LINGO2: variants seen among roughly 807,000 people sequenced by gnomAD.
LINGO2 encodes leucine-rich repeat and immunoglobulin-like domain-containing nogo receptor-interacting protein 2.
Under a neutral mutation model 30.6 loss-of-function variants are expected in LINGO2, and 14 were observed. That is an observed-to-expected ratio of 0.46 (90% CI 0.30 to 0.72). The LOEUF (loss-of-function observed/expected upper bound fraction) is 0.72. Ranked by LOEUF, LINGO2 falls within the 30% of genes least tolerant of loss-of-function variation. LINGO2 has a pLI of 0.07. For missense variants in LINGO2, 729 were observed against 751.7 expected (o/e 0.97, Z 0.35); for synonymous variants, 317 against 288.5 (o/e 1.10, Z -1.00).
intron 4 of LINGO2, among the ~76,000 whole-genome samples, chr9:28,038,464 C>A (rs185712660): frequency 6.6e-6 from 1 of 151,990 alleles, no homozygotes; most frequent in Non-Finnish European, 1.5e-5. Flanking sequence ...GAGGCCGAGG[C>A]GGGCGGATCA....
intron 1 of LINGO2, among the ~76,000 whole-genome samples, chr9:28,602,873 G>C (rs1587943705): frequency 6.6e-6 from 1 of 152,068 alleles, no homozygotes; most frequent in East Asian, 1.9e-4. Flanking sequence ...AAGGTTTGCT[G>C]TTCAGAGCTC....
chr9:28,948,707 A>T, the LINGO2 span, among the ~76,000 whole-genome samples: 1 of 152,132 alleles, frequency 6.6e-6, no homozygotes, highest in Non-Finnish European at 1.5e-5. Flanking sequence ...TAATGAAATA[A>T]ATCTTGGTTA....
At chr9:28,973,017 A>G in the LINGO2 span, among the ~76,000 whole-genome samples, 2 of 152,192 alleles carry the variant, frequency 1.3e-5, no homozygotes, top group Non-Finnish European at 1.5e-5. Flanking sequence ...ATGAAAAACA[A>G]TAAAGCATGC....
At chr9:28,949,368 C>T in the LINGO2 span, among the ~76,000 whole-genome samples, 3 of 151,566 alleles carry the variant, frequency 2.0e-5, no homozygotes, top group Non-Finnish European at 4.4e-5. Flanking sequence ...TGTAGCCAGA[C>T]AAATAAAGAA....
At chr9:27,948,018 G>T (rs913853454), downstream of LINGO2, 2 of 152,050 alleles carry the variant, frequency 1.3e-5, no homozygotes, top group African/African-American at 4.8e-5. Flanking sequence ...AGAAACCAAG[G>T]GCTTTGTTTA....
chr9:28,656,598 T>G (rs1828353473), intron 1 of LINGO2, among the ~76,000 whole-genome samples: 1 of 152,110 alleles, frequency 6.6e-6, no homozygotes, highest in African/African-American at 2.4e-5. Context: ...TGTCATTATC[T>G]TGCATGATAA....
chr9:28,095,361 T>C lies in LINGO2; in HGVS notation c.-86-82956A>G, dbSNP rs190705237. On this transcript the variant is annotated intron_variant, in intron 4 of 5. Transcript: ENST00000379992. ...GGAAAGCAGGTGGTGAATGTCATAA[T>C]AAAGATAAGCTTAAAAATGGAAGGG... Among the ~76,000 whole-genome samples the C allele has an allele frequency of 4.3e-4, 65 of 152,092 alleles. 1 individual carries two copies. Among genetic ancestry groups the C allele is most frequent in the Admixed American group, 3.7e-3 (56 of 15,240 alleles).
At chr9:28,035,263 A>G (rs754899408) in intron 4 of LINGO2, among the ~76,000 whole-genome samples, 6 of 152,072 alleles carry the variant, frequency 3.9e-5, no homozygotes, top group Non-Finnish European at 7.4e-5. Flanking sequence ...AGGGATTTGT[A>G]TAGGCAAAAT....
intron 4 of LINGO2, among the ~76,000 whole-genome samples, chr9:28,261,954 T>C (rs1822578438): frequency 6.6e-6 from 1 of 151,942 alleles, no homozygotes; most frequent in African/African-American, 2.4e-5. Context: ...ATTACTTTCC[T>C]CCATCATCTA....
intron 3 of LINGO2, among the ~76,000 whole-genome samples, chr9:28,296,855 A>G (rs1823942127): frequency 6.6e-6 from 1 of 152,224 alleles, no homozygotes; most frequent in South Asian, 2.1e-4. Flanking sequence ...TTATTAACCT[A>G]TAACCTCAGT....
chr9:28,995,109 C>T, the LINGO2 span, among the ~76,000 whole-genome samples: 1 of 151,888 alleles, frequency 6.6e-6, no homozygotes, highest in African/African-American at 2.4e-5. Context: ...AAAATTTTGG[C>T]AACCTACTCA....
the LINGO2 span, among the ~76,000 whole-genome samples, chr9:28,848,136 CAT>C: frequency 6.4e-5 from 4 of 62,414 alleles, 1 homozygote; most frequent in African/African-American, 2.4e-4. Flanking sequence ...CTATATATAG[CAT>C]ATATATACTA....
chr9:28,652,070 C>T (rs1297896447), intron 1 of LINGO2, among the ~76,000 whole-genome samples: 1 of 152,144 alleles, frequency 6.6e-6, no homozygotes, highest in East Asian at 1.9e-4. Flanking sequence ...TCTAAACTAT[C>T]ATATCTTCTC....
chr9:28,506,451 C>CAT (rs1314234225), intron 1 of LINGO2, among the ~76,000 whole-genome samples: 1,597 of 99,666 alleles, frequency 0.016, 176 homozygotes, highest in Non-Finnish European at 0.026. Context: ...CACACACACA[C>CAT]ACACATACAC....
chr9:28,426,259 C>A (rs1823407774), intron 2 of LINGO2, among the ~76,000 whole-genome samples: 1 of 151,952 alleles, frequency 6.6e-6, no homozygotes, highest in African/African-American at 2.4e-5. Flanking sequence ...AATATCCCTC[C>A]CTATAGGTTT....
rs982887360 is a variant in LINGO2, at chr9:28,129,764, G to A, written c.-86-117359C>T. ...GGTATAGACATATTGCTGGTGATTTGAAAACAATAACCTAGTCATAAGCTT... is the reference window on the plus strand; with the variant it reads ...GGTATAGACATATTGCTGGTGATTTAAAAACAATAACCTAGTCATAAGCTT... On this transcript the variant is annotated intron_variant, in intron 4 of 5. Transcript: ENST00000379992. The surrounding 1 kb of genome is among the most constrained non-coding windows in gnomAD (Gnocchi z 4.0). 3 of 152,242 alleles carry A rather than the reference G, an allele frequency of 2.0e-5. No individual in the cohort carries two copies. The highest frequency in any genetic ancestry group is 7.2e-5 in the African/African-American group (3 of 41,536). The allele number at this position is 152,242 out of a possible 1,614,324, so 9.4% of individuals were successfully genotyped here.
intron 2 of LINGO2, among the ~76,000 whole-genome samples, chr9:28,387,596 G>C (rs143237250): frequency 1.3e-5 from 2 of 152,136 alleles, no homozygotes; most frequent in Non-Finnish European, 2.9e-5. Context: ...CACTCACTAC[G>C]AAGGTCTGCA....
At chr9:28,963,145 G>T in the LINGO2 span, among the ~76,000 whole-genome samples, 1 of 151,930 alleles carries the variant, frequency 6.6e-6, no homozygotes, top group African/African-American at 2.4e-5. Flanking sequence ...ATTACATGGA[G>T]ATTCCACATC....
the LINGO2 span, among the ~76,000 whole-genome samples, chr9:28,979,096 T>C: frequency 6.6e-6 from 1 of 152,124 alleles, no homozygotes; most frequent in African/African-American, 2.4e-5. Context: ...AATCTTTTTT[T>C]ATCTCTTCCT....
Sources: allele counts gnomAD v4.1 joint callset (sites outside exome capture counted in the v4.1 genomes callset), GRCh38; gene constraint gnomAD v4.1.1; non-coding constraint Gnocchi (gnomAD v3.1); transcripts MANE v1.5; gene names NCBI Gene and HGNC (gene_info 2026-07-23, HGNC 2026-07-21).